The following SMG9 variants were observed in gnomAD, a reference collection of about 807,000 sequenced individuals.
SMG9 encodes nonsense-mediated mRNA decay factor SMG9.
SMG9 carries 55 observed loss-of-function variants against 64.0 expected under a neutral mutation model. The ratio of observed to expected loss-of-function variants is 0.86; its 90% confidence interval spans 0.69 to 1.08. The LOEUF is 1.08. Ranked by LOEUF, SMG9 falls within the 50% of genes least tolerant of loss-of-function variation. SMG9 has a pLI of 0.00. For missense variants in SMG9, 554 were observed against 681.3 expected, an observed-to-expected ratio of 0.81 and a Z score of 2.08; for synonymous variants, 244 against 254.8, an observed-to-expected ratio of 0.96 and a Z score of 0.41.
chr19:43,735,640 T>A (rs7249806), intron 9 of SMG9, among the ~76,000 whole-genome samples: 28,422 of 132,852 alleles, frequency 0.21, 3,073 homozygotes, highest in African/African-American at 0.26. Context: ...AAAAAAAAAA[T>A]CTGTGTGGTT....
chr19:43,736,068 G>C (rs901271719), intron 9 of SMG9, among the ~76,000 whole-genome samples: 15 of 152,190 alleles, frequency 9.9e-5, no homozygotes, highest in Admixed American at 5.2e-4. Context: ...ATTAGATCTG[G>C]TCAGAACAAC....
rs1385906042 is a variant in SMG9 at position 43,728,240 on chromosome 19, T to G, written c.*3356A>C. The G allele has an allele frequency of 1.3e-5, 2 of 152,208 alleles. No homozygotes were observed. Among genetic ancestry groups the G allele is most frequent in the Non-Finnish European group, 2.9e-5 (2 of 68,060 alleles). The allele number at this position is 152,208 out of a possible 1,614,324, so 9.4% of individuals were successfully genotyped here. A position where few individuals can be genotyped will look rare whatever the true frequency, so the allele number is the denominator to read the frequency against. ...GCATCATGGGGGTGGTTTCTCATGG[T>G]TCAGCGCCAGCCCCTTGGTACTGTC... On this transcript the variant is annotated 3_prime_UTR_variant, in exon 14 of 14. Transcript: ENST00000270066.
chr19:43,730,007 T>G lies in SMG9; in HGVS notation c.*1589A>C, dbSNP rs966635243. 3 of 152,548 alleles carry G rather than the reference T, an allele frequency of 2.0e-5. No homozygotes were observed. The highest frequency in any genetic ancestry group is 7.2e-5 in the African/African-American group (3 of 41,440). 9.4% of individuals were successfully genotyped at this position (152,548 alleles called of 1,614,324 possible). ...CATTCTATCCACTTCTGGCCTGACC[T>G]TCTCTGGCCCTGCTGAGTGCTTTCT... On this transcript the variant is annotated 3_prime_UTR_variant, in exon 14 of 14. Coordinates refer to ENST00000270066, the MANE Select transcript of SMG9 (RefSeq NM_019108.4).
At chr19:43,738,732 T>C (rs1369370383) in intron 7 of SMG9, among the ~76,000 whole-genome samples, 2 of 152,240 alleles carry the variant, frequency 1.3e-5, no homozygotes, top group Non-Finnish European at 2.9e-5. Flanking sequence ...GGCTTCTTAC[T>C]GCAGTGAAAT....
chr19:43,733,602 G>C (rs759553144), intron 11 of SMG9, 24 bp downstream of exon 11: 91 of 1,609,060 alleles, frequency 5.7e-5, no homozygotes, highest in Non-Finnish European at 7.2e-5. Flanking sequence ...TGACTAGCTT[G>C]GGGGGTGATG....
chr19:43,742,957 C>T (rs1968887119), intron 6 of SMG9, among the ~76,000 whole-genome samples: 1 of 152,004 alleles, frequency 6.6e-6, no homozygotes, highest in African/African-American at 2.4e-5. Context: ...GCATGGTAGT[C>T]CCAGCTACTC....
Position 43,733,379 on chromosome 19 carries a change from T to A in SMG9, c.1284A>T (p.Leu428Phe). ...CACTGTCCATGAAGGGTACCAGGAA[T>A]AAGTTGACCTCAGAGTCCAGGAAGT... The part of the protein sequence containing the change: ...PPDFLDSEVN[L>F]FLVPFMDSEA... The change falls in exon 12 of 14, where the codon TTA becomes TTT. Residue 428 changes from leucine to phenylalanine, a missense_variant. Coordinates refer to ENST00000270066, the MANE Select transcript of SMG9 (RefSeq NM_019108.4). 1 of 1,614,086 alleles carries A rather than the reference T, an allele frequency of 6.2e-7. No homozygotes were observed. Among genetic ancestry groups the A allele is most frequent in the Non-Finnish European group, 8.5e-7 (1 of 1,180,008 alleles).
rs1600187190 is a variant in SMG9 at position 43,731,448 on chromosome 19, A to T, written c.*148T>A. On this transcript the variant is annotated 3_prime_UTR_variant, in exon 14 of 14. Transcript: ENST00000270066. ...GAGGGTGGGGGGCCTGGCCCTGGAC[A>T]CCTCATGTCTCTGGGCCGGGAAGCC... 6.8e-7 allele frequency: 1 copy of T among 1,460,908 alleles called. No individual in the cohort carries two copies. The highest frequency in any genetic ancestry group is 2.6e-5 in the Admixed American group (1 of 38,412). 90.5% of individuals were successfully genotyped at this position (1,460,908 alleles called of 1,614,324 possible). A position where few individuals can be genotyped will look rare whatever the true frequency, so the allele number is the denominator to read the frequency against.
At chr19:43,745,972 G>C (rs1968988562) in intron 5 of SMG9, among the ~76,000 whole-genome samples, 1 of 152,056 alleles carries the variant, frequency 6.6e-6, no homozygotes, top group Admixed American at 6.5e-5. Flanking sequence ...TTGCACTCCA[G>C]CCTGGGCAAC....
At position 43,728,183 on chromosome 19, in the gene SMG9, A is replaced by G. The variant is rs1301640211; in HGVS notation, c.*3413T>C. ...TGTCAACTTGTAGTTTGTAGTCACCACTGTTGGAGGTGGGGCCTGGCGGGA... is the reference window on the plus strand; with the variant it reads ...TGTCAACTTGTAGTTTGTAGTCACCGCTGTTGGAGGTGGGGCCTGGCGGGA... On this transcript the variant is annotated 3_prime_UTR_variant, in exon 14 of 14. Coordinates refer to ENST00000270066, the MANE Select transcript of SMG9 (RefSeq NM_019108.4). 6.6e-6 allele frequency: 1 copy of G among 152,190 alleles called. No individual in the cohort carries two copies. Among genetic ancestry groups the G allele is most frequent in the African/African-American group, 2.4e-5 (1 of 41,412 alleles). 9.4% of individuals were successfully genotyped at this position (152,190 alleles called of 1,614,324 possible).
chr19:43,753,520 G>A (rs1329663273), intron 1 of SMG9, among the ~76,000 whole-genome samples: 7 of 149,406 alleles, frequency 4.7e-5, no homozygotes, highest in Non-Finnish European at 8.9e-5. Flanking sequence ...GAGTGCAGTG[G>A]CACGATCTCA....
At chr19:43,744,699 A>G (rs1968945595) in intron 6 of SMG9, 73 bp downstream of exon 6, 1 of 1,114,120 alleles carries the variant, frequency 9.0e-7, no homozygotes, top group South Asian at 1.4e-5. Flanking sequence ...CACTTGAAAC[A>G]CCCAAGCCCA....
intron 2 of SMG9, chr19:43,748,703 A>G (rs375768953): frequency 6.9e-5 from 36 of 520,018 alleles, no homozygotes; most frequent in African/African-American, 6.4e-4. Flanking sequence ...AAGAGGGGAG[A>G]AATCTGAGTC....
chr19:43,744,818 T>G lies in SMG9; in HGVS notation c.655A>C (p.Met219Leu), dbSNP rs759315685. ...TTGGCTGACAACAATGACATGACCATGGACTTGCCTGTCCCCTGGAGGCCC... is the reference window on the plus strand; with the variant it reads ...TTGGCTGACAACAATGACATGACCAGGGACTTGCCTGTCCCCTGGAGGCCC... ...VLGLQGTGKSMVMSLLSANTP... is the reference protein window; with the variant it reads ...VLGLQGTGKSLVMSLLSANTP... Residue 219 changes from methionine (M) to leucine (L), a missense_variant, in exon 6 of 14, where the codon ATG (methionine) becomes CTG (leucine). By Grantham distance (15) the Met-to-Leu change is conservative (BLOSUM62 2). Coordinates refer to ENST00000270066, the MANE Select transcript of SMG9 (RefSeq NM_019108.4). 1.2e-6 allele frequency: 2 copies of G among 1,613,900 alleles called. No individual in the cohort carries two copies. The highest frequency in any genetic ancestry group is 2.7e-5 in the African/African-American group (2 of 74,898).
chr19:43,731,793 C>G, intron 13 of SMG9, 119 bp from the exon 14 acceptor site: 1 of 1,223,724 alleles, frequency 8.2e-7, no homozygotes. Context: ...CTCTGAGCCT[C>G]TTGGAACCCA....
In SMG9 at chr19:43,746,009, C is replaced by CA. The variant is rs1020212489; in HGVS notation, c.589-1126dup. The stretch of plus-strand genomic sequence containing the variant: ...GGAGCGAAATTCCATCACAAAAAAA[C>CA]AAAAAAAAAAACAACTATCTGCGCG... On this transcript the variant is annotated intron_variant, in intron 5 of 13. Coordinates refer to ENST00000270066, the MANE Select transcript of SMG9 (RefSeq NM_019108.4). Among the ~76,000 whole-genome samples, 770 of 133,052 alleles carry CA rather than the reference C, an allele frequency of 5.8e-3. 5 individuals carry two copies. Among genetic ancestry groups the CA allele is most frequent in the African/African-American group, 0.015 (520 of 35,852 alleles). 87.3% of individuals were successfully genotyped at this position (133,052 alleles called of 152,430 possible).
intron 1 of SMG9, among the ~76,000 whole-genome samples, chr19:43,751,585 T>G (rs184981233): frequency 9.7e-4 from 148 of 152,374 alleles, no homozygotes; most frequent in Non-Finnish European, 1.7e-3. Context: ...CATCCTTGTT[T>G]GCAGTTAGGT....
chr19:43,746,028 C>T (rs990959475), intron 5 of SMG9, among the ~76,000 whole-genome samples: 1 of 150,208 alleles, frequency 6.7e-6, no homozygotes, highest in Non-Finnish European at 1.5e-5. Flanking sequence ...AAACAACTAT[C>T]TGCGCGTGAT....
At chr19:43,747,139 T>C (rs1057002435) in intron 5 of SMG9, among the ~76,000 whole-genome samples, 39 of 152,154 alleles carry the variant, frequency 2.6e-4, no homozygotes, top group African/African-American at 9.2e-4. Flanking sequence ...AGAAGGGTAC[T>C]GGAGCAGGGT....
Sources: allele counts gnomAD v4.1 joint callset (sites outside exome capture counted in the v4.1 genomes callset), GRCh38; gene constraint gnomAD v4.1.1; transcripts MANE v1.5; gene names NCBI Gene and HGNC (gene_info 2026-07-23, HGNC 2026-07-21).